The following TMEM161B variants were observed in gnomAD, a reference collection of about 807,000 sequenced individuals.
The protein encoded by TMEM161B is transmembrane protein 161B.
Under a neutral mutation model 61.8 loss-of-function variants are expected in TMEM161B, and 34 were observed. The observed-to-expected ratio is 0.55, with a 90% CI of 0.42 to 0.73. TMEM161B has a LOEUF of 0.73. TMEM161B is among the 30% of genes least tolerant of loss of function. TMEM161B has a pLI of 0.00. For missense variants in TMEM161B, 456 were observed against 558.5 expected (o/e 0.82, Z 1.85); for synonymous variants, 167 against 192.8 (o/e 0.87, Z 1.11).
chr5:88,194,709 A>G (rs1749345088), downstream of TMEM161B, among the ~76,000 whole-genome samples: 1 of 152,136 alleles, frequency 6.6e-6, no homozygotes, highest in South Asian at 2.1e-4. Flanking sequence ...TTTTCAGATG[A>G]CTGTGAACCT....
chr5:88,266,549 G>C (rs1310292807), intron 1 of TMEM161B, among the ~76,000 whole-genome samples: 1 of 152,118 alleles, frequency 6.6e-6, no homozygotes, highest in Non-Finnish European at 1.5e-5. Flanking sequence ...TCTTACCCAG[G>C]AGGAATTTGG....
At chr5:88,245,241 C>G (rs957644673) in intron 1 of TMEM161B, among the ~76,000 whole-genome samples, 3 of 151,904 alleles carry the variant, frequency 2.0e-5, no homozygotes, top group African/African-American at 7.2e-5. Context: ...ACTGACCTAA[C>G]ATCAAAGGTT....
chr5:88,187,662 ACT>A (rs564259496), downstream of TMEM161B, among the ~76,000 whole-genome samples: 15 of 152,138 alleles, frequency 9.9e-5, no homozygotes, highest in African/African-American at 2.9e-4. Flanking sequence ...TATTTTGATT[ACT>A]GTTTTTTAAT....
chr5:88,206,010 ATTTC>A (rs2112412956), intron 7 of TMEM161B, 56 bp from the exon 8 acceptor site: 1 of 1,316,596 alleles, frequency 7.6e-7, no homozygotes, highest in East Asian at 2.5e-5. Flanking sequence ...CTTTTGAAGA[ATTTC>A]TTTTCTTCTA....
chr5:88,225,165 C>T (rs1039612936), intron 4 of TMEM161B, among the ~76,000 whole-genome samples: 4 of 151,982 alleles, frequency 2.6e-5, no homozygotes, highest in Non-Finnish European at 5.9e-5. Flanking sequence ...GACGGGGTTT[C>T]ACCACATTAG....
At chr5:88,257,670 A>T (rs1755154724) in intron 1 of TMEM161B, among the ~76,000 whole-genome samples, 1 of 152,236 alleles carries the variant, frequency 6.6e-6, no homozygotes, top group African/African-American at 2.4e-5. Context: ...AATCATTGGC[A>T]TTCACAGATT....
rs964935222 is a variant in TMEM161B at position 88,259,625 on chromosome 5, T to G, written c.3+9096A>C. Among the ~76,000 whole-genome samples, 7 of 152,184 alleles carry G rather than the reference T, an allele frequency of 4.6e-5. No homozygotes were observed. The South Asian group carries it at 1.0e-3, about 23-fold the overall frequency. ...AAAGCAGTGCCTTCAGTGGATGCAG[T>G]TAAGGTAGAAGAAATATGAAAGAAT... On this transcript the variant is annotated intron_variant, in intron 1 of 11. Coordinates refer to ENST00000296595, the MANE Select transcript of TMEM161B (RefSeq NM_153354.5).
chr5:88,192,351 G>C (rs1236406866), downstream of TMEM161B, among the ~76,000 whole-genome samples: 1 of 151,992 alleles, frequency 6.6e-6, no homozygotes, highest in African/African-American at 2.4e-5. Context: ...CATGGTAACA[G>C]AAGACATATA....
Position 88,202,987 on chromosome 5 carries a change from G to A in TMEM161B, c.889C>T (p.Pro297Ser). 6.2e-7 allele frequency: 1 copy of A among 1,610,872 alleles called. No individual in the cohort carries two copies. The highest frequency in any genetic ancestry group is 8.5e-7 in the Non-Finnish European group (1 of 1,177,318). The change falls in exon 9 of 12, where the codon CCA becomes TCA. Residue 297 changes from proline (P) to serine (S), a missense_variant. Pro to Ser is a moderately conservative substitution (Grantham distance 74, BLOSUM62 -1). Coordinates refer to ENST00000296595, the MANE Select transcript of TMEM161B (RefSeq NM_153354.5). Reference protein sequence around the residue: ...PITKDYIMNPPLGKESIPLMT... With the variant: ...PITKDYIMNPSLGKESIPLMT... ...AAAGGGATACTTTCTTTGCCCAGTG[G>A]TGGGTTCATAATGTAGTCTTTGGTG...
In TMEM161B at chr5:88,262,228, T is replaced by C. The variant is rs373614511; in HGVS notation, c.3+6493A>G. 1.3e-3 allele frequency among the ~76,000 whole-genome samples: 196 copies of C among 152,300 alleles called. 4 individuals carry two copies. The South Asian group carries it at 0.039, about 30-fold the overall frequency. Reference sequence around the variant, plus strand: ...AAATAAGGAAATACCATTATACACCTATTAGAATGGCCAAAATCCAGAACA... The same window carrying C: ...AAATAAGGAAATACCATTATACACCCATTAGAATGGCCAAAATCCAGAACA... On this transcript the variant is annotated intron_variant, in intron 1 of 11. Coordinates refer to ENST00000296595, the MANE Select transcript of TMEM161B (RefSeq NM_153354.5).
chr5:88,266,967 C>G (rs1756456732), intron 1 of TMEM161B, among the ~76,000 whole-genome samples: 1 of 152,100 alleles, frequency 6.6e-6, no homozygotes, highest in South Asian at 2.1e-4. Context: ...TCTTTTGAAC[C>G]GACAGGATAA....
At chr5:88,240,711 C>T (rs1752585921) in intron 2 of TMEM161B, 102 bp downstream of exon 2, 1 of 956,412 alleles carries the variant, frequency 1.0e-6, no homozygotes, top group Admixed American at 2.3e-5. Context: ...TTTCTTATGA[C>T]TTCCTTTTGT....
intron 5 of TMEM161B, among the ~76,000 whole-genome samples, chr5:88,219,850 A>G (rs925885639): frequency 2.0e-5 from 3 of 152,166 alleles, no homozygotes; most frequent in Non-Finnish European, 4.4e-5. Context: ...CAAAAAAGAA[A>G]AAGAATAAAC....
downstream of TMEM161B, among the ~76,000 whole-genome samples, chr5:88,192,213 T>C (rs749946878): frequency 7.9e-5 from 12 of 151,066 alleles, no homozygotes; most frequent in Admixed American, 3.3e-4. Flanking sequence ...AGTAACCACA[T>C]GCAGGGAGTG....
At chr5:88,232,865 C>T (rs915696615) in intron 2 of TMEM161B, among the ~76,000 whole-genome samples, 3 of 152,138 alleles carry the variant, frequency 2.0e-5, no homozygotes, top group Non-Finnish European at 4.4e-5. Context: ...TGAGCCACCG[C>T]GCCTGGCCTT....
At chr5:88,249,016 A>G (rs1753986523) in intron 1 of TMEM161B, among the ~76,000 whole-genome samples, 1 of 152,142 alleles carries the variant, frequency 6.6e-6, no homozygotes. Flanking sequence ...AAGTGGTTTT[A>G]CAAATGGCAA....
chr5:88,242,689 T>C lies in TMEM161B; in HGVS notation c.4-1773A>G, dbSNP rs1453332835. The stretch of plus-strand genomic sequence containing the variant: ...TTCCATCTACTTCATCAAGCTGTGA[T>C]TAGAAATTGTGCCTGGTACAGAGTT... On this transcript the variant is annotated intron_variant, in intron 1 of 11. Transcript: ENST00000296595. Among the ~76,000 whole-genome samples, 3 of 151,730 alleles carry C rather than the reference T, an allele frequency of 2.0e-5. No individual in the cohort carries two copies. In the East Asian group the frequency reaches 5.8e-4, roughly 29 times the overall value.
At chr5:88,247,832 T>G (rs541618235) in intron 1 of TMEM161B, among the ~76,000 whole-genome samples, 1 of 152,220 alleles carries the variant, frequency 6.6e-6, no homozygotes, top group East Asian at 1.9e-4. Context: ...TTTTCACCGG[T>G]CTATTTGGTG....
At position 88,203,023 on chromosome 5, in the gene TMEM161B, C is replaced by T. The variant is rs376001159; in HGVS notation, c.853G>A (p.Val285Ile). The change falls in exon 9 of 12, where the codon GTA becomes ATA. Residue 285 changes from valine (V) to isoleucine (I), a missense_variant. By Grantham distance (29) the Val-to-Ile change is conservative. Transcript: ENST00000296595. ...ATGTAGTCTTTGGTGATTGGTTTTA[C>T]CCAGAGCAGAACCATAAATAAAGGT... ...LAPLFMVLLWVKPITKDYIMN... is the reference protein window; with the variant it reads ...LAPLFMVLLWIKPITKDYIMN... 3.1e-6 allele frequency: 5 copies of T among 1,611,566 alleles called. No homozygotes were observed. The African/African-American group carries it at 6.7e-5, about 22-fold the overall frequency.
Sources: gnomAD v4.1 joint callset for allele counts (sites outside exome capture counted in the v4.1 genomes callset) on GRCh38, gnomAD v4.1.1 for gene constraint, MANE v1.5 for transcripts, NCBI Gene and HGNC (gene_info 2026-07-23, HGNC 2026-07-21) for gene names.